Variants in ARHGAP15 observed in about 807,000 individuals in gnomAD.
ARHGAP15 encodes the protein rho GTPase-activating protein 15.
ARHGAP15 carries 51 observed loss-of-function variants against 63.7 expected under a neutral mutation model. The ratio of observed to expected loss-of-function variants is 0.80; its 90% CI spans 0.64 to 1.01. The LOEUF is 1.01. ARHGAP15 is among the 50% of genes least tolerant of loss of function. The pLI, the probability that ARHGAP15 is intolerant of heterozygous loss-of-function variation, is 0.00. For missense variants in ARHGAP15, 560 were observed against 564.6 expected (o/e 0.99, Z 0.08); for synonymous variants, 191 against 193.8 (o/e 0.99, Z 0.12).
chr2:143,688,705 C>T (rs1383662037), intron 12 of ARHGAP15, among the ~76,000 whole-genome samples: 1 of 152,124 alleles, frequency 6.6e-6, no homozygotes, highest in Non-Finnish European at 1.5e-5. Flanking sequence ...TTTTAACATG[C>T]AAAAGACAAT....
intron 13 of ARHGAP15, among the ~76,000 whole-genome samples, chr2:143,712,986 C>A (rs183000798): frequency 1.3e-3 from 191 of 152,286 alleles, no homozygotes; most frequent in African/African-American, 4.4e-3. Flanking sequence ...AGCACCGTGT[C>A]CTACATAGAT....
At chr2:143,182,216 G>T (rs1322119485) in intron 2 of ARHGAP15, among the ~76,000 whole-genome samples, 1 of 152,056 alleles carries the variant, frequency 6.6e-6, no homozygotes, top group Non-Finnish European at 1.5e-5. Flanking sequence ...GCCCACCTCG[G>T]TCTCCCAAAT....
chr2:143,273,602 A>C (rs1681404095), intron 6 of ARHGAP15, among the ~76,000 whole-genome samples: 2 of 152,184 alleles, frequency 1.3e-5, no homozygotes, highest in African/African-American at 4.8e-5. Context: ...CAAATAAAAA[A>C]TCATAATGCA....
chr2:143,396,620 T>G (rs1057130709), intron 6 of ARHGAP15, among the ~76,000 whole-genome samples: 9 of 152,110 alleles, frequency 5.9e-5, no homozygotes, highest in South Asian at 4.1e-4. Context: ...TTTAAGTTTT[T>G]TTTTTTTTTT....
intron 8 of ARHGAP15, among the ~76,000 whole-genome samples, chr2:143,458,745 T>C (rs1574477317): frequency 6.6e-6 from 1 of 152,176 alleles, no homozygotes; most frequent in African/African-American, 2.4e-5. Context: ...ACATTTTGCT[T>C]TGAAGTTATG....
chr2:143,560,842 T>C (rs985652998), intron 11 of ARHGAP15, among the ~76,000 whole-genome samples: 3 of 152,226 alleles, frequency 2.0e-5, no homozygotes, highest in Non-Finnish European at 2.9e-5. Flanking sequence ...GGATCGAGGA[T>C]TCTCGATTTA....
At chr2:143,646,793 G>T (rs1305494876) in intron 12 of ARHGAP15, among the ~76,000 whole-genome samples, 3 of 151,970 alleles carry the variant, frequency 2.0e-5, no homozygotes, top group African/African-American at 7.2e-5. Context: ...ATAACATCAT[G>T]CAGTAGATGC....
intron 10 of ARHGAP15, among the ~76,000 whole-genome samples, chr2:143,534,459 G>A (rs573965639): frequency 1.3e-5 from 2 of 152,278 alleles, no homozygotes; most frequent in South Asian, 4.1e-4. Context: ...AGAGTGATAC[G>A]GTGAGAGAAG....
At chr2:143,441,414 A>G (rs916376218) in intron 8 of ARHGAP15, among the ~76,000 whole-genome samples, 4 of 152,180 alleles carry the variant, frequency 2.6e-5, no homozygotes, top group East Asian at 1.9e-4. Context: ...CCAGAAAAGC[A>G]TGCCATTCAG....
intron 4 of ARHGAP15, among the ~76,000 whole-genome samples, chr2:143,226,861 A>G (rs571362993): frequency 3.3e-5 from 5 of 152,280 alleles, no homozygotes; most frequent in Admixed American, 2.6e-4. Context: ...AGAGCAACCT[A>G]ATTCTTTTTG....
chr2:143,408,834 C>T (rs1688323521), intron 6 of ARHGAP15, among the ~76,000 whole-genome samples: 1 of 151,530 alleles, frequency 6.6e-6, no homozygotes, highest in South Asian at 2.1e-4. Context: ...AATATTTTAA[C>T]CATTCAGCTA....
chr2:143,587,748 A>G, intron 11 of ARHGAP15: 2 of 470,516 alleles, frequency 4.3e-6, no homozygotes, highest in South Asian at 3.1e-5. Flanking sequence ...ACCCCTAGTA[A>G]GCTGCAGATT....
At chr2:143,152,360 A>G (rs186611379) in intron 1 of ARHGAP15, among the ~76,000 whole-genome samples, 1 of 152,090 alleles carries the variant, frequency 6.6e-6, no homozygotes, top group East Asian at 1.9e-4. Flanking sequence ...TCCAACCTGC[A>G]CTGACTTAGC....
At chr2:143,457,031 C>T (rs575588557) in intron 8 of ARHGAP15, among the ~76,000 whole-genome samples, 14 of 151,918 alleles carry the variant, frequency 9.2e-5, no homozygotes, top group Non-Finnish European at 1.2e-4. Flanking sequence ...AATCTCGAAT[C>T]GTAACTTGAT....
intron 11 of ARHGAP15, among the ~76,000 whole-genome samples, chr2:143,588,293 A>G (rs1408291599): frequency 6.6e-6 from 1 of 151,892 alleles, no homozygotes; most frequent in Non-Finnish European, 1.5e-5. Context: ...TAAGCTTTCT[A>G]TTTTTTTAAT....
chr2:143,309,678 C>T (rs1683345099), intron 6 of ARHGAP15, among the ~76,000 whole-genome samples: 1 of 151,968 alleles, frequency 6.6e-6, no homozygotes, highest in Non-Finnish European at 1.5e-5. Context: ...CAGGGTTTCT[C>T]AACCTAGGCA....
chr2:143,225,509 G>A lies in ARHGAP15; in HGVS notation c.297-3072G>A, dbSNP rs148255642. Reference sequence around the variant, plus strand: ...CCAGCTACTGGGGAGGCTGAGGCAGGAGAATGGCATGAACCCAGGAGGCGG... The same window carrying A: ...CCAGCTACTGGGGAGGCTGAGGCAGAAGAATGGCATGAACCCAGGAGGCGG... On this transcript the variant is annotated intron_variant, in intron 4 of 13. Coordinates refer to ENST00000295095, the MANE Select transcript of ARHGAP15 (RefSeq NM_018460.4). Among the ~76,000 whole-genome samples, 1,318 of 152,282 alleles carry A rather than the reference G, an allele frequency of 8.7e-3. 25 individuals are homozygous for A. The highest frequency in any genetic ancestry group is 0.03 in the African/African-American group (1,250 of 41,556).
At chr2:143,419,794 T>C (rs1688840141) in intron 6 of ARHGAP15, among the ~76,000 whole-genome samples, 1 of 152,182 alleles carries the variant, frequency 6.6e-6, no homozygotes, top group Non-Finnish European at 1.5e-5. Context: ...GTTTTGCATA[T>C]TTTAAGTCTT....
chr2:143,166,884 T>C (rs113248394), intron 2 of ARHGAP15, among the ~76,000 whole-genome samples: 19 of 152,238 alleles, frequency 1.2e-4, no homozygotes, highest in African/African-American at 4.3e-4. Context: ...CAAGTCAAGC[T>C]GCTAGTATTC....
Sources: allele counts gnomAD v4.1 joint callset (sites outside exome capture counted in the v4.1 genomes callset), GRCh38; gene constraint gnomAD v4.1.1; transcripts MANE v1.5; gene names NCBI Gene and HGNC (gene_info 2026-07-23, HGNC 2026-07-21).